Variants in XKR6 observed in about 807,000 individuals in gnomAD.
The protein encoded by XKR6 is XK-related protein 6.
XKR6 carries 22 observed loss-of-function variants against 56.7 expected under a neutral mutation model. That is an observed-to-expected ratio of 0.39 (90% confidence interval 0.28 to 0.55). The LOEUF (loss-of-function observed/expected upper bound fraction) is 0.55. Among genes scored for constraint, XKR6 ranks in the 20% least tolerant of loss-of-function variants. XKR6 has a pLI of 0.66. For missense variants in XKR6, 852 were observed against 889.0 expected (o/e 0.96, Z 0.53); for synonymous variants, 524 against 387.8 (o/e 1.35, Z -4.13).
At chr8:11,153,095 T>G (rs371916409) in intron 1 of XKR6, among the ~76,000 whole-genome samples, 50 of 152,334 alleles carry the variant, frequency 3.3e-4, no homozygotes, top group Admixed American at 1.3e-3. Context: ...ACCCAGTGAA[T>G]TATTATTATA....
At chr8:11,151,600 C>T (rs541988788) in intron 1 of XKR6, among the ~76,000 whole-genome samples, 1 of 152,220 alleles carries the variant, frequency 6.6e-6, no homozygotes, top group Admixed American at 6.5e-5. Flanking sequence ...GAAGCAACGG[C>T]GCAGTCTGGA....
At chr8:11,042,034 A>G (rs1201434831) in intron 1 of XKR6, among the ~76,000 whole-genome samples, 1 of 152,178 alleles carries the variant, frequency 6.6e-6, no homozygotes, top group Non-Finnish European at 1.5e-5. Context: ...ACCAAACTGT[A>G]ATTTTGCAGT....
At chr8:11,165,115 T>TG (rs1802005616) in intron 1 of XKR6, among the ~76,000 whole-genome samples, 1 of 147,208 alleles carries the variant, frequency 6.8e-6, no homozygotes, top group Non-Finnish European at 1.5e-5. Context: ...TTTTTTTTTT[T>TG]TTGAGACAGA....
chr8:10,917,852 A>G (rs1433084653), intron 2 of XKR6, among the ~76,000 whole-genome samples: 1 of 152,184 alleles, frequency 6.6e-6, no homozygotes, highest in Non-Finnish European at 1.5e-5. Flanking sequence ...CAACTTCCTC[A>G]TCTGTAAAAG....
intron 1 of XKR6, among the ~76,000 whole-genome samples, chr8:10,976,323 C>T (rs1019706052): frequency 6.6e-6 from 1 of 152,206 alleles, no homozygotes; most frequent in Admixed American, 6.5e-5. Context: ...TCCTTCCTTC[C>T]CCTGCCATGG....
At chr8:10,961,925 G>A (rs535588485) in intron 1 of XKR6, among the ~76,000 whole-genome samples, 2 of 152,296 alleles carry the variant, frequency 1.3e-5, no homozygotes, top group South Asian at 2.1e-4. Flanking sequence ...ATAACGTGGG[G>A]CATTTAGTAT....
intron 1 of XKR6, among the ~76,000 whole-genome samples, chr8:11,134,166 CT>C (rs1270579370): frequency 6.6e-6 from 1 of 152,100 alleles, no homozygotes; most frequent in Admixed American, 6.5e-5. Flanking sequence ...TTCATGACAC[CT>C]TCCTTGCCCA....
chr8:11,005,358 G>GTATATATA (rs1333626126), intron 1 of XKR6, among the ~76,000 whole-genome samples: 17 of 149,388 alleles, frequency 1.1e-4, no homozygotes, highest in African/African-American at 4.4e-4. Context: ...AGTGACTGTA[G>GTATATATA]TAGATATAGA....
chr8:11,105,049 T>C (rs1434168726), intron 1 of XKR6: 1 of 152,160 alleles, frequency 6.6e-6, no homozygotes, highest in Non-Finnish European at 1.5e-5. Flanking sequence ...GAAGTAATTA[T>C]CAAAACTTTC....
chr8:10,920,482 C>T (rs192318962), intron 2 of XKR6, among the ~76,000 whole-genome samples: 132 of 152,346 alleles, frequency 8.7e-4, no homozygotes, highest in Middle Eastern at 6.8e-3. Context: ...TTCTACGCTG[C>T]GACCCTCCAG....
rs115057283 is a variant in XKR6, at chr8:11,108,460, T to C, written c.764+92116A>G. 9.1e-4 allele frequency: 378 copies of C among 416,858 alleles called. 2 individuals carry two copies. Among genetic ancestry groups the C allele is most frequent in the African/African-American group, 7.4e-3 (359 of 48,258 alleles). The allele number at this position is 416,858 out of a possible 1,614,324, so 25.8% of individuals were successfully genotyped here. Reference sequence around the variant, plus strand: ...ATTGTTAGAAATGTTAGAAGAAATATGTTCATTTAAAAAACAGGACATTAG... The same window carrying C: ...ATTGTTAGAAATGTTAGAAGAAATACGTTCATTTAAAAAACAGGACATTAG... On this transcript the variant is annotated intron_variant, in intron 1 of 2. Coordinates refer to ENST00000416569, the MANE Select transcript of XKR6 (RefSeq NM_173683.4).
At chr8:11,060,660 G>A (rs533820191) in intron 1 of XKR6, among the ~76,000 whole-genome samples, 1 of 152,354 alleles carries the variant, frequency 6.6e-6, no homozygotes, top group Non-Finnish European at 1.5e-5. Flanking sequence ...AGAAGGGGAA[G>A]ACAGGGAAGA....
At chr8:10,911,277 A>G (rs1434402367) in intron 2 of XKR6, among the ~76,000 whole-genome samples, 1 of 149,882 alleles carries the variant, frequency 6.7e-6, no homozygotes, top group East Asian at 2.0e-4. Flanking sequence ...ATATATATAG[A>G]GAGAGGGTGA....
At chr8:11,075,759 G>C (rs923667084) in intron 1 of XKR6, among the ~76,000 whole-genome samples, 5 of 152,154 alleles carry the variant, frequency 3.3e-5, no homozygotes, top group Non-Finnish European at 4.4e-5. Flanking sequence ...TGTAGTCCCA[G>C]CTATTCGTGA....
intron 1 of XKR6, among the ~76,000 whole-genome samples, chr8:10,975,300 G>A (rs113262213): frequency 1.3e-5 from 2 of 152,206 alleles, no homozygotes; most frequent in Admixed American, 6.5e-5. Context: ...AGGAGGCTTC[G>A]AGCGACTTCT....
intron 1 of XKR6, among the ~76,000 whole-genome samples, chr8:11,090,774 A>T (rs1350296215): frequency 6.6e-6 from 1 of 152,034 alleles, no homozygotes; most frequent in Non-Finnish European, 1.5e-5. Context: ...ATAAATTCTG[A>T]ACACCAATCT....
chr8:10,924,916 G>A, intron 1 of XKR6, 86 bp from the exon 2 acceptor site: 1 of 1,404,000 alleles, frequency 7.1e-7, no homozygotes, highest in South Asian at 1.3e-5. Flanking sequence ...AAAACCAAGA[G>A]ACTCAGCATC....
At chr8:11,110,098 G>C (rs1003176615) in intron 1 of XKR6, among the ~76,000 whole-genome samples, 10 of 152,014 alleles carry the variant, frequency 6.6e-5, no homozygotes, top group South Asian at 2.1e-4. Context: ...TTAGCCTCCT[G>C]AGTAGCTGGG....
chr8:11,001,657 G>A (rs1023751956), intron 1 of XKR6, among the ~76,000 whole-genome samples: 40 of 152,324 alleles, frequency 2.6e-4, no homozygotes, highest in Admixed American at 1.2e-3. Context: ...GGTTGTAGCC[G>A]TTGCTGCACC....
Sources: allele counts gnomAD v4.1 joint callset (sites outside exome capture counted in the v4.1 genomes callset), GRCh38; gene constraint gnomAD v4.1.1; transcripts MANE v1.5; gene names NCBI Gene and HGNC (gene_info 2026-07-23, HGNC 2026-07-21).